Variants in CAMKMT observed in about 807,000 individuals in gnomAD.
The protein encoded by CAMKMT is CaM KMT.
A neutral mutation model predicts 48.0 loss-of-function variants in CAMKMT; 53 were observed. The observed-to-expected ratio is 1.10, with a 90% CI of 0.89 to 1.39. The LOEUF (loss-of-function observed/expected upper bound fraction) is 1.39, where lower values mean the gene tolerates loss of function less well. CAMKMT is among the 40% of genes most tolerant of loss of function. The probability of loss-of-function intolerance (pLI) is 0.00; values close to 1 mark genes in which losing one functional copy is unlikely to be tolerated. For missense variants in CAMKMT, 428 were observed against 402.7 expected (o/e 1.06, Z -0.54); for synonymous variants, 165 against 152.3 (o/e 1.08, Z -0.61).
chr2:44,761,040 C>A (rs1470422512), intron 9 of CAMKMT, among the ~76,000 whole-genome samples: 1 of 152,138 alleles, frequency 6.6e-6, no homozygotes, highest in African/African-American at 2.4e-5. Flanking sequence ...AAGCAAGGGA[C>A]GATCACCTGG....
At chr2:44,721,940 T>C (rs763743374) in intron 7 of CAMKMT, among the ~76,000 whole-genome samples, 31 of 152,194 alleles carry the variant, frequency 2.0e-4, no homozygotes, top group Non-Finnish European at 4.1e-4. Context: ...CAACCACTGA[T>C]CTATGTTCTG....
intron 3 of CAMKMT, among the ~76,000 whole-genome samples, chr2:44,669,657 A>G (rs570771036): frequency 5.3e-4 from 81 of 151,666 alleles, no homozygotes; most frequent in African/African-American, 1.9e-3. Flanking sequence ...CTTTTTCTTC[A>G]GACAGGGTCT....
chr2:44,771,941 G>A (rs766097464), intron 10 of CAMKMT, 95 bp from the exon 11 acceptor site: 1 of 819,586 alleles, frequency 1.2e-6, no homozygotes, highest in Non-Finnish European at 2.0e-6. Flanking sequence ...ATATATTTTG[G>A]TGTAAAAGTC....
intron 8 of CAMKMT, among the ~76,000 whole-genome samples, chr2:44,753,221 C>G (rs1680220849): frequency 7.0e-6 from 1 of 142,420 alleles, no homozygotes; most frequent in South Asian, 2.2e-4. Context: ...AAGACCAGCC[C>G]TGGCAACAGA....
At chr2:44,458,606 A>T (rs1667695807) in intron 3 of CAMKMT, among the ~76,000 whole-genome samples, 1 of 152,212 alleles carries the variant, frequency 6.6e-6, no homozygotes, top group African/African-American at 2.4e-5. Flanking sequence ...AACAGCATTT[A>T]GAAAGACGTT....
At chr2:44,669,310 A>C (rs1455623191) in intron 3 of CAMKMT, among the ~76,000 whole-genome samples, 1 of 152,010 alleles carries the variant, frequency 6.6e-6, no homozygotes, top group South Asian at 2.1e-4. Context: ...ATATTAGTTT[A>C]TTTTTCCAGT....
chr2:44,564,085 C>T (rs1668480660), intron 3 of CAMKMT, among the ~76,000 whole-genome samples: 1 of 152,176 alleles, frequency 6.6e-6, no homozygotes, highest in South Asian at 2.1e-4. Context: ...AGTTTACAGT[C>T]CCACCAATAG....
At chr2:44,442,929 C>T (rs998823121) in intron 3 of CAMKMT, among the ~76,000 whole-genome samples, 4 of 152,152 alleles carry the variant, frequency 2.6e-5, no homozygotes, top group African/African-American at 4.8e-5. Context: ...ATAAAATATA[C>T]CACCTCATGT....
At chr2:44,652,768 G>A (rs974045452) in intron 3 of CAMKMT, among the ~76,000 whole-genome samples, 5 of 152,166 alleles carry the variant, frequency 3.3e-5, no homozygotes, top group East Asian at 1.9e-4. Flanking sequence ...GAGTTAATCC[G>A]TATCTCCGAA....
chr2:44,541,381 C>G (rs1005985757), intron 3 of CAMKMT, among the ~76,000 whole-genome samples: 1 of 152,084 alleles, frequency 6.6e-6, no homozygotes, highest in South Asian at 2.1e-4. Context: ...TTTCAGAAGT[C>G]TTTAAAAATT....
intron 3 of CAMKMT, among the ~76,000 whole-genome samples, chr2:44,654,323 C>A (rs1247097897): frequency 1.3e-5 from 2 of 151,652 alleles, no homozygotes; most frequent in Non-Finnish European, 2.9e-5. Context: ...CTATTGTTTT[C>A]TTTAAGTTTT....
chr2:44,615,451 A>C (rs1671835133), intron 3 of CAMKMT, among the ~76,000 whole-genome samples: 1 of 152,184 alleles, frequency 6.6e-6, no homozygotes, highest in African/African-American at 2.4e-5. Flanking sequence ...TTTAGAAGGA[A>C]AAAAATTACT....
intron 3 of CAMKMT, among the ~76,000 whole-genome samples, chr2:44,693,670 T>C (rs1448104143): frequency 6.6e-6 from 1 of 152,220 alleles, no homozygotes; most frequent in Non-Finnish European, 1.5e-5. Flanking sequence ...ATTTCTGCAC[T>C]GGGTTGACAC....
chr2:44,394,473 G>A (rs1681637506), intron 3 of CAMKMT, among the ~76,000 whole-genome samples: 1 of 151,616 alleles, frequency 6.6e-6, no homozygotes, highest in African/African-American at 2.4e-5. Flanking sequence ...TGTCCCCCAG[G>A]CTAGAGTGCA....
intron 3 of CAMKMT, among the ~76,000 whole-genome samples, chr2:44,553,011 G>T (rs561861917): frequency 2.5e-4 from 38 of 152,304 alleles, no homozygotes; most frequent in Middle Eastern, 3.4e-3. Context: ...GCGAAAGGAG[G>T]CTTAGCCAAA....
chr2:44,576,151 A>T (rs539573958), intron 3 of CAMKMT, among the ~76,000 whole-genome samples: 2 of 152,026 alleles, frequency 1.3e-5, no homozygotes, highest in East Asian at 1.9e-4. Flanking sequence ...ACATGGTGAA[A>T]CCCCATTTCT....
chr2:44,486,798 G>A (rs755474783), intron 3 of CAMKMT, among the ~76,000 whole-genome samples: 5 of 152,186 alleles, frequency 3.3e-5, no homozygotes, highest in Admixed American at 1.3e-4. Context: ...CCAAGAAACC[G>A]TAAGCTTCCT....
chr2:44,595,133 A>C (rs1376339362), intron 3 of CAMKMT, among the ~76,000 whole-genome samples: 6 of 152,218 alleles, frequency 3.9e-5, no homozygotes, highest in Admixed American at 1.3e-4. Context: ...AATGGTGATC[A>C]TTAAAAAGTC....
chr2:44,501,038 C>CTT (rs142463794), intron 3 of CAMKMT, among the ~76,000 whole-genome samples: 2 of 148,498 alleles, frequency 1.3e-5, no homozygotes, highest in South Asian at 2.1e-4. Context: ...AATTTCTTAG[C>CTT]TTTTTTTTTA....
Sources: gnomAD v4.1 joint callset for allele counts (sites outside exome capture counted in the v4.1 genomes callset) on GRCh38, gnomAD v4.1.1 for gene constraint, MANE v1.5 for transcripts, NCBI Gene and HGNC (gene_info 2026-07-23, HGNC 2026-07-21) for gene names.